NBEA: variants seen among roughly 807,000 people sequenced by gnomAD.
NBEA encodes the protein lysosomal-trafficking regulator 2.
A neutral mutation model predicts 343.4 loss-of-function variants in NBEA; 44 were observed. The observed-to-expected ratio is 0.13, with a 90% confidence interval of 0.10 to 0.16. The LOEUF (loss-of-function observed/expected upper bound fraction) is 0.16, where lower values mean the gene tolerates loss of function less well. Ranked by LOEUF, NBEA falls within the 10% of genes least tolerant of loss-of-function variation. The pLI, the probability that NBEA is intolerant of heterozygous loss-of-function variation, is 1.00. For synonymous variants in NBEA, 1,175 were observed against 1,238.7 expected (o/e 0.95, Z 1.08); for missense variants, 2,555 against 3,631.3 (o/e 0.70, Z 7.62).
chr13:34,986,353 G>A (rs1240889215), intron 1 of NBEA, among the ~76,000 whole-genome samples: 3 of 150,900 alleles, frequency 2.0e-5, no homozygotes, highest in African/African-American at 4.8e-5. Context: ...TTTTGAGTGA[G>A]TTTCTTAATC....
Position 35,388,208 on chromosome 13 carries a change from C to T in NBEA, c.6179+35885C>T, listed in dbSNP as rs555722536. On this transcript the variant is annotated intron_variant, in intron 38 of 58. Transcript: ENST00000379939. Reference sequence around the variant, plus strand: ...AAGAGAGATGGCCAAATCTTATGTACTCATTTTGACGATAGGTGGAATAAT... The same window carrying T: ...AAGAGAGATGGCCAAATCTTATGTATTCATTTTGACGATAGGTGGAATAAT... Among the ~76,000 whole-genome samples the T allele has an allele frequency of 3.9e-5, 6 of 152,046 alleles. No individual in the cohort carries two copies. The East Asian group carries it at 7.8e-4, about 20-fold the overall frequency.
intron 48 of NBEA, among the ~76,000 whole-genome samples, chr13:35,606,909 C>A (rs1279075921): frequency 6.6e-6 from 1 of 152,088 alleles, no homozygotes; most frequent in Non-Finnish European, 1.5e-5. Flanking sequence ...TTAGTTTTAT[C>A]TACTGACTAA....
rs1157684844 is a variant in NBEA at position 35,672,526 on chromosome 13, TAA to T, written c.*1536_*1537del. 6.6e-6 allele frequency: 1 copy of T among 152,660 alleles called. No individual in the cohort carries two copies. Among genetic ancestry groups the T allele is most frequent in the Non-Finnish European group, 1.5e-5 (1 of 68,038 alleles). 9.5% of individuals were successfully genotyped at this position (152,660 alleles called of 1,614,324 possible). ...GATTAAGTTATTCATCACCAGGCTG[TAA>T]GCAATATCTTGAGTTTGTAGCTTAG... On this transcript the variant is annotated 3_prime_UTR_variant, in exon 59 of 59. Coordinates refer to ENST00000379939, the MANE Select transcript of NBEA (RefSeq NM_001385012.1).
At chr13:35,063,121 A>G (rs1415646082) in intron 8 of NBEA, among the ~76,000 whole-genome samples, 3 of 152,034 alleles carry the variant, frequency 2.0e-5, no homozygotes, top group African/African-American at 7.2e-5. Context: ...AGGAAAAACA[A>G]AATAAATCAG....
At chr13:35,423,869 C>T (rs191414959) in intron 38 of NBEA, among the ~76,000 whole-genome samples, 15 of 152,202 alleles carry the variant, frequency 9.9e-5, no homozygotes, top group African/African-American at 2.6e-4. Flanking sequence ...CCTTCATATC[C>T]GTTGTAAGTT....
intron 38 of NBEA, among the ~76,000 whole-genome samples, chr13:35,421,286 T>C (rs1386577108): frequency 6.6e-6 from 1 of 151,960 alleles, no homozygotes; most frequent in Non-Finnish European, 1.5e-5. Flanking sequence ...GACTTGGTCA[T>C]TTTTTAGAAT....
At chr13:35,008,913 C>G (rs1367548170) in intron 1 of NBEA, among the ~76,000 whole-genome samples, 2 of 152,110 alleles carry the variant, frequency 1.3e-5, no homozygotes, top group Admixed American at 1.3e-4. Context: ...AATCTTTGTT[C>G]AGGTTCTCAG....
chr13:35,476,858 G>T (rs1346288508), intron 41 of NBEA: 1 of 986,802 alleles, frequency 1.0e-6, no homozygotes, highest in Admixed American at 5.6e-5. Context: ...GCTGCCGGCG[G>T]AAAACCACTC....
intron 10 of NBEA, among the ~76,000 whole-genome samples, chr13:35,076,166 A>G (rs1593262805): frequency 1.3e-5 from 2 of 151,958 alleles, no homozygotes; most frequent in East Asian, 3.8e-4. Context: ...TAGTTTATAC[A>G]GTTATATTTA....
At chr13:35,023,263 A>G (rs752725831) in intron 1 of NBEA, among the ~76,000 whole-genome samples, 38 of 152,264 alleles carry the variant, frequency 2.5e-4, no homozygotes, top group Non-Finnish European at 5.0e-4. Flanking sequence ...AGATTTTATG[A>G]TAAGAAAAAT....
intron 38 of NBEA, among the ~76,000 whole-genome samples, chr13:35,420,136 T>G (rs1256441130): frequency 6.6e-6 from 1 of 152,054 alleles, no homozygotes; most frequent in Non-Finnish European, 1.5e-5. Flanking sequence ...CCTTACTGCA[T>G]TGGCTAGAAA....
At chr13:35,236,813 C>A (rs1458218460) in intron 34 of NBEA, among the ~76,000 whole-genome samples, 1 of 151,560 alleles carries the variant, frequency 6.6e-6, no homozygotes, top group Admixed American at 6.6e-5. Context: ...AGTCCATTTT[C>A]AGGCTCATTA....
intron 16 of NBEA, among the ~76,000 whole-genome samples, chr13:35,122,325 G>A (rs1039540301): frequency 6.6e-6 from 1 of 152,156 alleles, no homozygotes; most frequent in South Asian, 2.1e-4. Flanking sequence ...CAAACCAAAT[G>A]TCCAACAATG....
intron 51 of NBEA, among the ~76,000 whole-genome samples, chr13:35,648,180 CTTTT>C (rs949635885): frequency 2.9e-5 from 3 of 104,150 alleles, no homozygotes; most frequent in African/African-American, 1.1e-4. Context: ...TGTTTAAACT[CTTTT>C]TTTTTTTTTT....
chr13:35,000,812 GT>G (rs2061107933), intron 1 of NBEA, among the ~76,000 whole-genome samples: 1 of 151,730 alleles, frequency 6.6e-6, no homozygotes, highest in Non-Finnish European at 1.5e-5. Context: ...ACCTAAAGAA[GT>G]TTAAGCAGAT....
At chr13:34,981,562 G>A (rs978513989) in intron 1 of NBEA, among the ~76,000 whole-genome samples, 9 of 152,036 alleles carry the variant, frequency 5.9e-5, no homozygotes, top group African/African-American at 2.2e-4. Flanking sequence ...TCCATCTTGC[G>A]TATTGCTGGA....
chr13:35,346,275 T>C (rs542635071), intron 36 of NBEA, among the ~76,000 whole-genome samples: 4 of 152,250 alleles, frequency 2.6e-5, no homozygotes, highest in Non-Finnish European at 5.9e-5. Flanking sequence ...TTTGCACATA[T>C]TAGATTTCTT....
At chr13:35,447,623 T>TC (rs2046115864) in intron 39 of NBEA, among the ~76,000 whole-genome samples, 1 of 152,140 alleles carries the variant, frequency 6.6e-6, no homozygotes, top group South Asian at 2.1e-4. Context: ...TGGCATTTTT[T>TC]CTCCTGAAAC....
chr13:35,625,627 AAATAAT>A lies in NBEA; in HGVS notation c.7450-2445_7450-2440del, dbSNP rs199842677. Among the ~76,000 whole-genome samples, 711 of 152,078 alleles carry A rather than the reference AAATAAT, an allele frequency of 4.7e-3. 6 individuals carry two copies. The highest frequency in any genetic ancestry group is 0.016 in the African/African-American group (677 of 41,494). On this transcript the variant is annotated intron_variant, in intron 48 of 58. Transcript: ENST00000379939. ...GCCATAGAGTGAGATCCTGTCTAAA[AAATAAT>A]AATAATAAAATTAAATATATAAATC...
Sources: allele counts gnomAD v4.1 joint callset (sites outside exome capture counted in the v4.1 genomes callset), GRCh38; gene constraint gnomAD v4.1.1; transcripts MANE v1.5; gene names NCBI Gene and HGNC (gene_info 2026-07-23, HGNC 2026-07-21).